Variants in CAMTA1 observed in about 807,000 individuals in gnomAD.
CAMTA1 encodes the protein calmodulin-binding transcription activator 1.
Under a neutral mutation model 170.9 loss-of-function variants are expected in CAMTA1, and 27 were observed. The observed-to-expected ratio is 0.16, with a 90% CI of 0.12 to 0.22. The LOEUF is 0.22. Ranked by LOEUF, CAMTA1 falls within the 10% of genes least tolerant of loss-of-function variation. CAMTA1 has a pLI of 1.00. For missense variants in CAMTA1, 1,619 were observed against 2,217.2 expected (o/e 0.73, Z 5.42); for synonymous variants, 833 against 891.5 (o/e 0.93, Z 1.17).
chr1:7,131,061 C>A (rs1327843738), intron 4 of CAMTA1, among the ~76,000 whole-genome samples: 1 of 151,890 alleles, frequency 6.6e-6, no homozygotes, highest in Non-Finnish European at 1.5e-5. Context: ...TCAAGCGATT[C>A]TCCTGCCTCA....
In CAMTA1 at chr1:7,224,010, A is replaced by G. The variant is rs1380937179; in HGVS notation, c.303-25481A>G. On this transcript the variant is annotated intron_variant, in intron 4 of 22. Coordinates refer to ENST00000303635, the MANE Select transcript of CAMTA1 (RefSeq NM_015215.4). This position sits in a 1 kb window ranked among gnomAD's most constrained non-coding sequence, Gnocchi z 5.2. Reference sequence around the variant, plus strand: ...AATAACTCGATCACCCCAGATGACCAGAGATCTTCTGGGTGTGTAATGACC... The same window carrying G: ...AATAACTCGATCACCCCAGATGACCGGAGATCTTCTGGGTGTGTAATGACC... 6.6e-6 allele frequency among the ~76,000 whole-genome samples: 1 copy of G among 152,166 alleles called. No homozygotes were observed. The highest frequency in any genetic ancestry group is 1.5e-5 in the Non-Finnish European group (1 of 68,024).
intron 3 of CAMTA1, among the ~76,000 whole-genome samples, chr1:6,993,027 A>G (rs1696642599): frequency 6.6e-6 from 1 of 152,256 alleles, no homozygotes; most frequent in Admixed American, 6.5e-5. Context: ...TTGTCTAAAC[A>G]TTAATTAACC....
intron 6 of CAMTA1, among the ~76,000 whole-genome samples, chr1:7,514,229 G>A (rs544812824): frequency 4.1e-4 from 62 of 152,342 alleles, no homozygotes; most frequent in Non-Finnish European, 7.9e-4. Context: ...AGCACAAGGA[G>A]GAAAGAGGAG....
At chr1:7,651,709 T>C (rs2095849576) in intron 7 of CAMTA1, among the ~76,000 whole-genome samples, 1 of 152,248 alleles carries the variant, frequency 6.6e-6, no homozygotes, top group African/African-American at 2.4e-5. Context: ...TGGCATACAG[T>C]CAGGTGAACT....
chr1:6,920,164 A>G (rs1681695502), intron 3 of CAMTA1, among the ~76,000 whole-genome samples: 2 of 152,222 alleles, frequency 1.3e-5, no homozygotes, highest in South Asian at 4.1e-4. Context: ...GTTACTTCCT[A>G]GATGCTTCGG....
chr1:6,996,705 G>GAAAGAAAT (rs1279658150), intron 3 of CAMTA1, among the ~76,000 whole-genome samples: 8 of 151,956 alleles, frequency 5.3e-5, no homozygotes, highest in African/African-American at 1.9e-4. Flanking sequence ...AAGAAAGAAA[G>GAAAGAAAT]AAAGAAAGAA....
chr1:7,590,535 C>T (rs1576273223), intron 6 of CAMTA1, among the ~76,000 whole-genome samples: 1 of 152,244 alleles, frequency 6.6e-6, no homozygotes. Context: ...CTGCCTGCAC[C>T]TTGGAGGGTG....
intron 4 of CAMTA1, among the ~76,000 whole-genome samples, chr1:7,120,483 C>A (rs1034833311): frequency 2.0e-5 from 3 of 152,186 alleles, no homozygotes; most frequent in African/African-American, 7.2e-5. Flanking sequence ...TCATCAGAGC[C>A]AGCAGGGGAG....
chr1:7,315,854 T>A (rs1234147186), intron 5 of CAMTA1, among the ~76,000 whole-genome samples: 2 of 152,160 alleles, frequency 1.3e-5, no homozygotes, highest in African/African-American at 2.4e-5. Context: ...CTTCATGCCA[T>A]CTCCTCCTCT....
chr1:7,480,418 A>T (rs1007818949), intron 6 of CAMTA1, among the ~76,000 whole-genome samples: 8 of 151,162 alleles, frequency 5.3e-5, no homozygotes, highest in Middle Eastern at 3.5e-3. Flanking sequence ...TGTGTGTGTG[A>T]GAGAGAGAGA....
intron 4 of CAMTA1, among the ~76,000 whole-genome samples, chr1:7,210,217 G>A (rs1226678736): frequency 6.6e-6 from 1 of 152,172 alleles, no homozygotes; most frequent in African/African-American, 2.4e-5. Context: ...CTCACGTTAT[G>A]TTTAGTTTCC....
At chr1:7,033,801 C>T (rs1304668734) in intron 3 of CAMTA1, among the ~76,000 whole-genome samples, 1 of 151,910 alleles carries the variant, frequency 6.6e-6, no homozygotes, top group African/African-American at 2.4e-5. Context: ...ACCATGTTGG[C>T]CAGGCTGGTC....
At position 7,117,450 on chromosome 1, in the gene CAMTA1, C is replaced by T. The variant is rs146949085; in HGVS notation, c.302+26079C>T. ...TGGAGAGTAATGAGCACCTGTGGCC[C>T]GTGTGCTGGTGAATGCTCAGTGGTG... is the stretch of plus-strand genomic sequence containing the variant. On this transcript the variant is annotated intron_variant, in intron 4 of 22. Transcript: ENST00000303635. Among the ~76,000 whole-genome samples, 34 of 152,204 alleles carry T rather than the reference C, an allele frequency of 2.2e-4. No individual in the cohort carries two copies. In the East Asian group the frequency reaches 2.3e-3, roughly 10 times the overall value.
intron 3 of CAMTA1, among the ~76,000 whole-genome samples, chr1:7,081,704 G>T (rs1215596394): frequency 6.6e-6 from 1 of 152,204 alleles, no homozygotes; most frequent in Admixed American, 6.5e-5. Context: ...TGGTCCTCTG[G>T]AGCTCTCAGG....
rs923918479 is a variant in CAMTA1 at position 7,234,977 on chromosome 1, G to A, written c.303-14514G>A. 6.6e-6 allele frequency among the ~76,000 whole-genome samples: 1 copy of A among 151,870 alleles called. No individual in the cohort carries two copies. The highest frequency in any genetic ancestry group is 6.6e-5 in the Admixed American group (1 of 15,242). ...AATTTTTGTATTTTTAGTAGAGATG[G>A]GGTTTCACCATGTCGGTCAGGCTGG... On this transcript the variant is annotated intron_variant, in intron 4 of 22. Coordinates refer to ENST00000303635, the MANE Select transcript of CAMTA1 (RefSeq NM_015215.4). The surrounding 1 kb of genome is among the most constrained non-coding windows in gnomAD (Gnocchi z 5.0).
At chr1:6,964,623 C>T (rs956562193) in intron 3 of CAMTA1, among the ~76,000 whole-genome samples, 8 of 152,178 alleles carry the variant, frequency 5.3e-5, no homozygotes, top group Non-Finnish European at 1.2e-4. Flanking sequence ...ATTCTCTTGC[C>T]CCCACAGGCT....
intron 3 of CAMTA1, among the ~76,000 whole-genome samples, chr1:6,919,140 C>T (rs545090114): frequency 6.6e-6 from 1 of 152,216 alleles, no homozygotes; most frequent in Non-Finnish European, 1.5e-5. Context: ...GGTGAGCCGC[C>T]CTGCCTCTGA....
intron 3 of CAMTA1, among the ~76,000 whole-genome samples, chr1:6,864,109 C>T (rs1665758146): frequency 6.6e-6 from 1 of 152,208 alleles, no homozygotes; most frequent in Non-Finnish European, 1.5e-5. Flanking sequence ...TGATTTACTA[C>T]TGATGATATT....
At chr1:6,926,799 C>T (rs1683372393) in intron 3 of CAMTA1, among the ~76,000 whole-genome samples, 1 of 151,010 alleles carries the variant, frequency 6.6e-6, no homozygotes, top group Admixed American at 6.6e-5. Flanking sequence ...GGCTCGATTG[C>T]AGCTCACTGC....
Sources: allele counts gnomAD v4.1 joint callset (sites outside exome capture counted in the v4.1 genomes callset), GRCh38; gene constraint gnomAD v4.1.1; non-coding constraint Gnocchi (gnomAD v3.1); transcripts MANE v1.5; gene names NCBI Gene and HGNC (gene_info 2026-07-23, HGNC 2026-07-21).